Variants in MYLK observed in about 807,000 individuals in gnomAD.
MYLK encodes myosin light chain kinase, smooth muscle.
In MYLK, 106 loss-of-function variants were observed where a neutral mutation model predicts 203.4. That is an observed-to-expected ratio of 0.52 (90% CI 0.45 to 0.61). MYLK has a LOEUF of 0.61. MYLK is among the 20% of genes least tolerant of loss of function. The probability of loss-of-function intolerance (pLI) is 0.00; values close to 1 mark genes in which losing one functional copy is unlikely to be tolerated. For synonymous variants in MYLK, 867 were observed against 959.5 expected (o/e 0.90, Z 1.78); for missense variants, 2,072 against 2,442.3 (o/e 0.85, Z 3.20).
chr3:123,793,881 A>G, intron 3 of MYLK, 37 bp from the exon 4 acceptor site: 1 of 1,612,710 alleles, frequency 6.2e-7, no homozygotes. Context: ...GTCAGATCAG[A>G]CAAAGCACAG....
At chr3:123,851,880 T>C (rs892532596) in intron 2 of MYLK, among the ~76,000 whole-genome samples, 1 of 152,080 alleles carries the variant, frequency 6.6e-6, no homozygotes, top group Non-Finnish European at 1.5e-5. Flanking sequence ...TGGCTGTGGG[T>C]TTGTCATAAA....
intron 3 of MYLK, among the ~76,000 whole-genome samples, chr3:123,797,866 C>T (rs2065046108): frequency 6.6e-6 from 1 of 152,186 alleles, no homozygotes; most frequent in Non-Finnish European, 1.5e-5. Context: ...ATCCAGTTCC[C>T]AAAGGGATGC....
At chr3:123,639,114 G>C (rs2058743656) in intron 28 of MYLK, 22 of 944,470 alleles carry the variant, frequency 2.3e-5, no homozygotes, top group Non-Finnish European at 2.8e-5. Flanking sequence ...CCTGGGCTCT[G>C]ACACTGCCGA....
chr3:123,660,861 C>G (rs755445512), intron 23 of MYLK, among the ~76,000 whole-genome samples: 12 of 152,174 alleles, frequency 7.9e-5, no homozygotes, highest in Non-Finnish European at 1.6e-4. Context: ...ACAGAGATGT[C>G]CCTGAAGATG....
At chr3:123,634,928 C>T (rs896910326) in intron 29 of MYLK, among the ~76,000 whole-genome samples, 21 of 152,262 alleles carry the variant, frequency 1.4e-4, no homozygotes, top group African/African-American at 4.6e-4. Context: ...TAGGTACTCA[C>T]ACAACCTACT....
At chr3:123,665,263 A>C (rs1401890372) in intron 22 of MYLK, among the ~76,000 whole-genome samples, 1 of 152,230 alleles carries the variant, frequency 6.6e-6, no homozygotes, top group Non-Finnish European at 1.5e-5. Flanking sequence ...GATAGCACAG[A>C]GATAACACTT....
intron 3 of MYLK, among the ~76,000 whole-genome samples, chr3:123,802,334 C>T (rs1560237147): frequency 6.6e-6 from 1 of 152,242 alleles, no homozygotes; most frequent in Non-Finnish European, 1.5e-5. Flanking sequence ...CTTGTCCCAA[C>T]AGCTGAGTTC....
chr3:123,623,124 C>G (rs576168218), intron 31 of MYLK: 1 of 152,306 alleles, frequency 6.6e-6, no homozygotes, highest in Non-Finnish European at 1.5e-5. Flanking sequence ...ATACAGCAAG[C>G]TGGTTACCCA....
In MYLK at chr3:123,640,528, G is replaced by A; in HGVS notation, c.4620-24C>T. The A allele has an allele frequency of 6.2e-7, 1 of 1,612,900 alleles. No homozygotes were observed. The highest frequency in any genetic ancestry group is 8.5e-7 in the Non-Finnish European group (1 of 1,179,698). On this transcript the variant is annotated intron_variant, in intron 27 of 33. Transcript: ENST00000360304. The surrounding 1 kb of genome is among the most constrained non-coding windows in gnomAD (Gnocchi z 4.3). ...CGCTGCGGGAACACGTGCACGGGGTGGTCAGGCCACAGGCTCATGGAGGCC... is the reference window on the plus strand; with the variant it reads ...CGCTGCGGGAACACGTGCACGGGGTAGTCAGGCCACAGGCTCATGGAGGCC...
chr3:123,823,873 T>C (rs757096812), intron 3 of MYLK, among the ~76,000 whole-genome samples: 3 of 152,162 alleles, frequency 2.0e-5, no homozygotes, highest in Non-Finnish European at 4.4e-5. Context: ...CCACACCAAG[T>C]TCACTCCTGA....
At chr3:123,778,697 G>T (rs371091362) in intron 4 of MYLK, among the ~76,000 whole-genome samples, 4 of 152,152 alleles carry the variant, frequency 2.6e-5, no homozygotes, top group East Asian at 3.9e-4. Context: ...CCATGTGCTC[G>T]CCCAGGGGCG....
intron 19 of MYLK, chr3:123,692,092 G>A (rs1044794464): frequency 1.8e-5 from 3 of 162,388 alleles, no homozygotes; most frequent in African/African-American, 7.2e-5. Context: ...CATTTCCTTA[G>A]GACAAAGCCC....
In MYLK at chr3:123,843,707, A is replaced by G. The variant is rs537355631; in HGVS notation, c.-126-12037T>C. ...AAGACCAAAACAAAAGCCCCACAGCAAGAAACAGGAAGGAAGGGGAACTAT... is the reference window on the plus strand; with the variant it reads ...AAGACCAAAACAAAAGCCCCACAGCGAGAAACAGGAAGGAAGGGGAACTAT... On this transcript the variant is annotated intron_variant, in intron 2 of 33. Transcript: ENST00000360304. 5.3e-5 allele frequency among the ~76,000 whole-genome samples: 8 copies of G among 152,296 alleles called. No homozygotes were observed. In the South Asian group the frequency reaches 6.2e-4, roughly 12 times the overall value.
intron 4 of MYLK, among the ~76,000 whole-genome samples, chr3:123,763,390 T>C (rs2063597278): frequency 6.6e-6 from 1 of 152,218 alleles, no homozygotes; most frequent in Non-Finnish European, 1.5e-5. Flanking sequence ...CTCACCATCC[T>C]CTTGGAAATT....
At chr3:123,650,328 C>T (rs2108211298) in intron 24 of MYLK, among the ~76,000 whole-genome samples, 1 of 152,102 alleles carries the variant, frequency 6.6e-6, no homozygotes, top group Admixed American at 6.5e-5. Flanking sequence ...GACAGCTGGA[C>T]AATGAATGGG....
intron 18 of MYLK, among the ~76,000 whole-genome samples, chr3:123,699,428 T>G (rs531577710): frequency 1.4e-3 from 207 of 152,318 alleles, no homozygotes; most frequent in South Asian, 0.012. Flanking sequence ...CGTGAGTGTG[T>G]GCTGTAGGGG....
intron 2 of MYLK, among the ~76,000 whole-genome samples, chr3:123,840,369 A>ATT (rs1406404085): frequency 7.8e-5 from 3 of 38,278 alleles, no homozygotes; most frequent in South Asian, 6.3e-4. Context: ...TCCTACAGAC[A>ATT]TTATATATAT....
At chr3:123,777,310 CAG>C (rs2064115023) in intron 4 of MYLK, among the ~76,000 whole-genome samples, 1 of 152,252 alleles carries the variant, frequency 6.6e-6, no homozygotes, top group Non-Finnish European at 1.5e-5. Flanking sequence ...AATTCAAACT[CAG>C]ATATCCTGGC....
chr3:123,875,358 G>A (rs2033084352), intron 2 of MYLK, among the ~76,000 whole-genome samples: 1 of 152,114 alleles, frequency 6.6e-6, no homozygotes, highest in Non-Finnish European at 1.5e-5. Context: ...AGTGAAAGCA[G>A]GCACACTAAA....
Sources: allele counts gnomAD v4.1 joint callset (sites outside exome capture counted in the v4.1 genomes callset), GRCh38; gene constraint gnomAD v4.1.1; non-coding constraint Gnocchi (gnomAD v3.1); transcripts MANE v1.5; gene names NCBI Gene and HGNC (gene_info 2026-07-23, HGNC 2026-07-21).